The following RANBP17 variants were observed in gnomAD, a reference collection of about 807,000 sequenced individuals.
RANBP17 encodes ran-binding protein 17.
In RANBP17, 158 loss-of-function variants were observed where a neutral mutation model predicts 141.2. The observed-to-expected ratio is 1.12, with a 90% CI of 0.98 to 1.28. The LOEUF is 1.28. Ranked by LOEUF, RANBP17 falls within the 50% of genes most tolerant of loss-of-function variation. The pLI is 0.00. For missense variants in RANBP17, 1,438 were observed against 1,290.7 expected, an observed-to-expected ratio of 1.11 and a Z score of -1.75; for synonymous variants, 430 against 450.0, an observed-to-expected ratio of 0.96 and a Z score of 0.56.
intron 12 of RANBP17, among the ~76,000 whole-genome samples, chr5:170,925,136 T>C (rs183536708): frequency 1.5e-4 from 23 of 152,184 alleles, no homozygotes; most frequent in African/African-American, 5.5e-4. Context: ...AAATTTCTAG[T>C]AGAAAGCACT....
intron 14 of RANBP17, among the ~76,000 whole-genome samples, chr5:171,054,353 A>G (rs1310174710): frequency 6.6e-6 from 1 of 152,152 alleles, no homozygotes. Context: ...TATGCTAAAC[A>G]AGGGATTGAT....
At chr5:170,879,265 A>G (rs1426835372) in intron 2 of RANBP17, among the ~76,000 whole-genome samples, 1 of 152,192 alleles carries the variant, frequency 6.6e-6, no homozygotes, top group East Asian at 1.9e-4. Context: ...CATTTAAAAA[A>G]TTCTGTTAAA....
intron 14 of RANBP17, among the ~76,000 whole-genome samples, chr5:170,984,264 C>T (rs534720883): frequency 2.0e-5 from 3 of 151,992 alleles, no homozygotes; most frequent in Non-Finnish European, 4.4e-5. Flanking sequence ...CATAGATAAC[C>T]CACCCAGGAG....
Position 171,170,241 on chromosome 5 carries a change from G to A in RANBP17, c.1784+38G>A, listed in dbSNP as rs750177866. The A allele has an allele frequency of 2.5e-6, 3 of 1,207,886 alleles. 1 individual carries two copies. The South Asian group carries it at 4.6e-5, about 19-fold the overall frequency. The allele number at this position is 1,207,886 out of a possible 1,614,324, so 74.8% of individuals were successfully genotyped here. On this transcript the variant is annotated intron_variant, in intron 15 of 27. Coordinates refer to ENST00000523189, the MANE Select transcript of RANBP17 (RefSeq NM_022897.5). ...TTTGGTCTTTAATTTTTCTTTTGTTGTTGTTTTAAATGTAATAGATCTTTT... is the reference window on the plus strand; with the variant it reads ...TTTGGTCTTTAATTTTTCTTTTGTTATTGTTTTAAATGTAATAGATCTTTT...
At chr5:170,939,954 A>G (rs1178515984) in intron 12 of RANBP17, among the ~76,000 whole-genome samples, 1 of 152,190 alleles carries the variant, frequency 6.6e-6, no homozygotes, top group Non-Finnish European at 1.5e-5. Flanking sequence ...AAATAGAAAA[A>G]TAAGCAAATT....
intron 8 of RANBP17, among the ~76,000 whole-genome samples, chr5:170,915,162 T>C (rs1771848879): frequency 1.3e-5 from 2 of 152,300 alleles, no homozygotes; most frequent in Middle Eastern, 6.8e-3. Context: ...CATGGTTTCA[T>C]GTAATTATGT....
chr5:171,245,831 T>G (rs1191774651), intron 24 of RANBP17, among the ~76,000 whole-genome samples: 1 of 152,078 alleles, frequency 6.6e-6, no homozygotes, highest in African/African-American at 2.4e-5. Flanking sequence ...TTTGGCCTAT[T>G]GCTTTTCAGT....
intron 14 of RANBP17, among the ~76,000 whole-genome samples, chr5:171,108,361 A>G (rs763307603): frequency 6.6e-6 from 1 of 152,286 alleles, no homozygotes; most frequent in African/African-American, 2.4e-5. Context: ...GCATATCAAC[A>G]TACTTTAAAA....
At position 171,240,999 on chromosome 5, in the gene RANBP17, A is replaced by C. The variant is rs1488084678; in HGVS notation, c.2494A>C (p.Ile832Leu). 6.2e-7 allele frequency: 1 copy of C among 1,613,866 alleles called. No homozygotes were observed. Among genetic ancestry groups the C allele is most frequent in the Non-Finnish European group, 8.5e-7 (1 of 1,179,902 alleles). ...TCCAATGAAACTCAAGGGCATCTCC[A>C]TCTGCTATTCAGCTCTCAAGTCTGC... ...IYPMKLKGIS[I>L]CYSALKSALC... is the part of the protein sequence containing the mutation. The change falls in exon 23 of 28, where the codon ATC becomes CTC. Residue 832 changes from isoleucine (I) to leucine (L), a missense_variant. Coordinates refer to ENST00000523189, the MANE Select transcript of RANBP17 (RefSeq NM_022897.5).
intron 16 of RANBP17, among the ~76,000 whole-genome samples, chr5:171,174,008 C>T (rs771732734): frequency 3.3e-5 from 5 of 152,110 alleles, no homozygotes; most frequent in Admixed American, 6.6e-5. Context: ...GATGTGGGGA[C>T]GTAAGTCCCC....
chr5:171,063,877 TC>T (rs1018439322), intron 14 of RANBP17, among the ~76,000 whole-genome samples: 12 of 151,940 alleles, frequency 7.9e-5, no homozygotes, highest in African/African-American at 2.7e-4. Flanking sequence ...CGGGCGCCCC[TC>T]CCCCAGCCTC....
chr5:171,047,388 A>G (rs1300785220), intron 14 of RANBP17, among the ~76,000 whole-genome samples: 9 of 148,168 alleles, frequency 6.1e-5, no homozygotes, highest in Non-Finnish European at 1.3e-4. Flanking sequence ...TTGCCTCCAT[A>G]TATCCTCTTT....
chr5:170,909,462 T>A (rs2127418482), intron 5 of RANBP17, among the ~76,000 whole-genome samples, 199 bp from the exon 6 acceptor site: 1 of 151,812 alleles, frequency 6.6e-6, no homozygotes, highest in African/African-American at 2.4e-5. Flanking sequence ...GTGTTGTTTA[T>A]ACTGCCTCTG....
Position 171,048,401 on chromosome 5 carries a change from A to G in RANBP17, c.1710+80024A>G, listed in dbSNP as rs569316381. On this transcript the variant is annotated intron_variant, in intron 14 of 27. Coordinates refer to ENST00000523189, the MANE Select transcript of RANBP17 (RefSeq NM_022897.5). ...GGTCTTGTTTTTAATCTGTTCACAC[A>G]ATCTGTCTTTCAACTGCTGTGTTTA... Among the ~76,000 whole-genome samples the G allele has an allele frequency of 2.0e-5, 3 of 152,264 alleles. No individual in the cohort carries two copies. In the East Asian group the frequency reaches 5.8e-4, roughly 29 times the overall value.
intron 21 of RANBP17, among the ~76,000 whole-genome samples, chr5:171,216,702 C>G (rs757410779): frequency 5.9e-5 from 9 of 152,156 alleles, no homozygotes; most frequent in Admixed American, 3.3e-4. Context: ...CATGATTTGG[C>G]TCTCTGCCTG....
intron 2 of RANBP17, among the ~76,000 whole-genome samples, chr5:170,878,778 C>T (rs2127350560): frequency 6.6e-6 from 1 of 152,180 alleles, no homozygotes; most frequent in South Asian, 2.1e-4. Context: ...GAGGTAGATA[C>T]CTAAATAGCT....
At chr5:171,191,676 G>C (rs1761652681) in intron 18 of RANBP17, among the ~76,000 whole-genome samples, 1 of 150,002 alleles carries the variant, frequency 6.7e-6, no homozygotes, top group Non-Finnish European at 1.5e-5. Flanking sequence ...AACAGAGCGA[G>C]ACTCCGTCTC....
chr5:171,262,310 A>T (rs144292521), intron 24 of RANBP17, among the ~76,000 whole-genome samples: 87 of 152,324 alleles, frequency 5.7e-4, no homozygotes, highest in Admixed American at 5.7e-3. Context: ...ACCAGGCTCA[A>T]CAAGTCTGTA....
At chr5:171,151,078 G>C (rs6892648) in intron 14 of RANBP17, among the ~76,000 whole-genome samples, 4 of 152,294 alleles carry the variant, frequency 2.6e-5, no homozygotes, top group Middle Eastern at 6.8e-3. Flanking sequence ...AACCTTTCAA[G>C]ATAATAGTCA....
Sources: allele counts gnomAD v4.1 joint callset (sites outside exome capture counted in the v4.1 genomes callset), GRCh38; gene constraint gnomAD v4.1.1; transcripts MANE v1.5; gene names NCBI Gene and HGNC (gene_info 2026-07-23, HGNC 2026-07-21).